PRSS27: variants seen among roughly 807,000 people sequenced by gnomAD.
PRSS27 encodes the protein serine protease 27.
A neutral mutation model predicts 32.0 loss-of-function variants in PRSS27; 25 were observed. The ratio of observed to expected loss-of-function variants is 0.78; its 90% CI spans 0.57 to 1.09. The LOEUF (loss-of-function observed/expected upper bound fraction) is 1.09, where lower values mean the gene tolerates loss of function less well. Among genes scored for constraint, PRSS27 ranks in the 50% least tolerant of loss-of-function variants. The pLI, the probability that PRSS27 is intolerant of heterozygous loss-of-function variation, is 0.00. For missense variants in PRSS27, 401 were observed against 394.9 expected (o/e 1.02, Z -0.13); for synonymous variants, 178 against 172.2 (o/e 1.03, Z -0.26).
chr16:2,717,966 T>A lies in PRSS27; in HGVS notation c.47-1440A>T, dbSNP rs911247874. On this transcript the variant is annotated intron_variant, in intron 1 of 5. Coordinates refer to ENST00000302641, the MANE Select transcript of PRSS27 (RefSeq NM_031948.5). The surrounding 1 kb of genome is among the most constrained non-coding windows in gnomAD (Gnocchi z 4.1). The stretch of plus-strand genomic sequence containing the variant: ...CGGGAAATGGAGAGTCTGCCCTGGA[T>A]GCTCTGCTCATTAATTTGTGCTAAT... The A allele has an allele frequency of 6.6e-6, 1 of 152,236 alleles. No homozygotes were observed. The highest frequency in any genetic ancestry group is 1.5e-5 in the Non-Finnish European group (1 of 68,072). The allele number at this position is 152,236 out of a possible 1,614,324, so 9.4% of individuals were successfully genotyped here.
chr16:2,719,907 C>A (rs1009273500), intron 1 of PRSS27, among the ~76,000 whole-genome samples: 6 of 152,120 alleles, frequency 3.9e-5, no homozygotes, highest in Admixed American at 2.6e-4. Flanking sequence ...GGGGCCTGTG[C>A]GCACACCTCC....
rs760924787 is a variant in PRSS27, at chr16:2,714,090, A to G, written c.483T>C (p.Thr161=). ...IFETGMNCWV[T]GWGSPSEEDL... is the part of the protein sequence containing the mutation. ...CTTCCTCACTGGGGCTGCCCCAGCC[A>G]GTGACCCAGCAGTTCATGCCCGTCT... The change falls in exon 4 of 6, where the codon ACT becomes ACC. Residue 161 remains threonine (T), a synonymous_variant. Transcript: ENST00000302641. The surrounding 1 kb of genome is among the most constrained non-coding windows in gnomAD (Gnocchi z 4.7). The G allele has an allele frequency of 6.8e-6, 11 of 1,612,454 alleles. No homozygotes were observed. The highest frequency in any genetic ancestry group is 1.6e-4 in the Middle Eastern group (1 of 6,080).
intron 4 of PRSS27, 21 bp from the exon 5 acceptor site, chr16:2,713,719 C>G: frequency 1.9e-6 from 3 of 1,611,912 alleles, no homozygotes; most frequent in Non-Finnish European, 2.5e-6. Flanking sequence ...GCGGAACAGC[C>G]CAGGGCTCAA....
At position 2,717,573 on chromosome 16, in the gene PRSS27, A is replaced by G. The variant is rs2142067939; in HGVS notation, c.47-1047T>C. The G allele has an allele frequency of 6.6e-6, 1 of 152,558 alleles. No homozygotes were observed. Among genetic ancestry groups the G allele is most frequent in the Non-Finnish European group, 1.5e-5 (1 of 68,280 alleles). 9.5% of individuals were successfully genotyped at this position (152,558 alleles called of 1,614,324 possible). ...GGGGTTAGAACAGCCACCTCCCCAC[A>G]CCTAGGCCCTCAGCTTCCCCTTAAC... On this transcript the variant is annotated intron_variant, in intron 1 of 5. Coordinates refer to ENST00000302641, the MANE Select transcript of PRSS27 (RefSeq NM_031948.5). This position sits in a 1 kb window ranked among gnomAD's most constrained non-coding sequence, Gnocchi z 4.1.
intron 2 of PRSS27, 40 bp downstream of exon 2, chr16:2,716,460 C>A: frequency 1.3e-6 from 2 of 1,589,864 alleles, no homozygotes; most frequent in African/African-American, 1.3e-5. Context: ...TCAGTCCAGC[C>A]GGCTCCTGTC....
In PRSS27 at chr16:2,713,310, G is replaced by A. The variant is rs183088005; in HGVS notation, c.678+219C>T. 1.8e-3 allele frequency: 1,024 copies of A among 582,070 alleles called. 4 individuals carry two copies. The highest frequency in any genetic ancestry group is 2.2e-3 in the Non-Finnish European group (710 of 316,994). 36.1% of individuals were successfully genotyped at this position (582,070 alleles called of 1,614,324 possible). ...AGATGGGGTTTCACTGTGTTAGCCA[G>A]GATGGTCTCCATCTCCTGACCTTGT... On this transcript the variant is annotated intron_variant, in intron 5 of 5. Coordinates refer to ENST00000302641, the MANE Select transcript of PRSS27 (RefSeq NM_031948.5).
At position 2,714,439 on chromosome 16, in the gene PRSS27, C is replaced by G; in HGVS notation, c.237-103G>C. 1 of 1,298,636 alleles carries G rather than the reference C, an allele frequency of 7.7e-7. No homozygotes were observed. The highest frequency in any genetic ancestry group is 1.1e-6 in the Non-Finnish European group (1 of 928,578). 80.4% of individuals were successfully genotyped at this position (1,298,636 alleles called of 1,614,324 possible). A position where few individuals can be genotyped will look rare whatever the true frequency, so the allele number is the denominator to read the frequency against. ...GGCCACCACCGTGCCCCACACCTCT[C>G]TCTGCACAATGTCTTCGAGAGTCAT... On this transcript the variant is annotated intron_variant, in intron 3 of 5. Transcript: ENST00000302641. The surrounding 1 kb of genome is among the most constrained non-coding windows in gnomAD (Gnocchi z 4.7).
intron 4 of PRSS27, 59 bp from the exon 5 acceptor site, chr16:2,713,757 C>G (rs2067681531): frequency 6.4e-7 from 1 of 1,569,450 alleles, no homozygotes; most frequent in East Asian, 2.3e-5. Context: ...AACCCACGGC[C>G]CCGGGAACCA....
In PRSS27 at chr16:2,717,156, G is replaced by C. The variant is rs1484077923; in HGVS notation, c.47-630C>G. 5 of 152,896 alleles carry C rather than the reference G, an allele frequency of 3.3e-5. No homozygotes were observed. In the East Asian group the frequency reaches 9.6e-4, roughly 29 times the overall value. The allele number at this position is 152,896 out of a possible 1,614,324, so 9.5% of individuals were successfully genotyped here. ...GGATCAGCCTTCTCAAGATTCCAGA[G>C]TCCCAAGAGCTGACCCCTCTCCCAG... On this transcript the variant is annotated intron_variant, in intron 1 of 5. Coordinates refer to ENST00000302641, the MANE Select transcript of PRSS27 (RefSeq NM_031948.5). This position sits in a 1 kb window ranked among gnomAD's most constrained non-coding sequence, Gnocchi z 4.1.
At chr16:2,713,960 G>C (rs2067683223) in intron 4 of PRSS27, 105 bp downstream of exon 4, 1 of 1,254,454 alleles carries the variant, frequency 8.0e-7, no homozygotes, top group Non-Finnish European at 1.1e-6. Flanking sequence ...CCGTGTGTAT[G>C]TATTAATATA....
rs1338780001 is a variant in PRSS27 at position 2,714,536 on chromosome 16, C to T, written c.237-200G>A. 8 of 631,562 alleles carry T rather than the reference C, an allele frequency of 1.3e-5. No homozygotes were observed. Among genetic ancestry groups the T allele is most frequent in the Non-Finnish European group, 2.2e-5 (8 of 360,082 alleles). The allele number at this position is 631,562 out of a possible 1,614,324, so 39.1% of individuals were successfully genotyped here. A position where few individuals can be genotyped will look rare whatever the true frequency, so the allele number is the denominator to read the frequency against. The stretch of plus-strand genomic sequence containing the variant: ...CAGACCGCCCGACTCAGATTTCCAC[C>T]TCCACCCCTGGCCGCTGTGTGGCCT... On this transcript the variant is annotated intron_variant, in intron 3 of 5. Transcript: ENST00000302641. The surrounding 1 kb of genome is among the most constrained non-coding windows in gnomAD (Gnocchi z 4.7).
chr16:2,713,144 G>A (rs2067674476), intron 5 of PRSS27: 1 of 474,824 alleles, frequency 2.1e-6, no homozygotes. Context: ...TGTGGCCCAG[G>A]CTGGAGTGCA....
chr16:2,713,488 C>G lies in PRSS27; in HGVS notation c.678+41G>C, dbSNP rs759041332. 3 of 1,601,030 alleles carry G rather than the reference C, an allele frequency of 1.9e-6. 1 individual carries two copies. The South Asian group carries it at 3.3e-5, about 18-fold the overall frequency. ...TGATCCCACCCTGCCCTGGGCCTGGCGGTGGGGACTGAGTCCCCATGGACA... is the reference window on the plus strand; with the variant it reads ...TGATCCCACCCTGCCCTGGGCCTGGGGGTGGGGACTGAGTCCCCATGGACA... On this transcript the variant is annotated intron_variant, in intron 5 of 5. Coordinates refer to ENST00000302641, the MANE Select transcript of PRSS27 (RefSeq NM_031948.5).
At chr16:2,713,802 G>T in intron 4 of PRSS27, 104 bp from the exon 5 acceptor site, 1 of 1,330,394 alleles carries the variant, frequency 7.5e-7, no homozygotes, top group Non-Finnish European at 1.0e-6. Context: ...CTCATGTTTA[G>T]ACCATCTCTG....
chr16:2,713,682 C>G lies in PRSS27; in HGVS notation c.525G>C (p.Pro175=). ...GCACAGCGAGTTTCTGCAGGATCCG[C>G]GGTTCGGGCAGGAGGTCTGGAGAGG... is the stretch of plus-strand genomic sequence containing the variant. ...SPSEEDLLPE[P]RILQKLAVPI... The change falls in exon 5 of 6, where the codon CCG becomes CCC. Residue 175 remains proline, a synonymous_variant. Transcript: ENST00000302641. 2 of 1,614,196 alleles carry G rather than the reference C, an allele frequency of 1.2e-6. No homozygotes were observed. Among genetic ancestry groups the G allele is most frequent in the African/African-American group, 1.3e-5 (1 of 75,060 alleles).
At chr16:2,716,294 C>T (rs920640007) in intron 2 of PRSS27, 4 of 618,668 alleles carry the variant, frequency 6.5e-6, no homozygotes, top group African/African-American at 5.5e-5. Flanking sequence ...TGCACCGCGC[C>T]TCAAGGCTCT....
Position 2,715,765 on chromosome 16 carries a change from G to A in PRSS27, c.189C>T (p.Ser63=). The change falls in exon 3 of 6, where the codon AGC becomes AGT. Residue 63 remains serine (S), a synonymous_variant. Transcript: ENST00000302641. The part of the protein sequence containing the change: ...QRNGSHFCGG[S]LIAEQWVLTA... ...TCAGGACCCACTGCTCCGCGATGAG[G>A]CTGCCCCCGCAGAAGTGGCTTCCGT... 1 of 1,589,270 alleles carries A rather than the reference G, an allele frequency of 6.3e-7. No individual in the cohort carries two copies.
Position 2,715,877 on chromosome 16 carries a change from C to T in PRSS27, c.77G>A (p.Cys26Tyr). ...TCGGTTCAGCATCCTGGGGCGACCA[C>T]AGGCTGGGGGAGCATGGGGAGCGGG... Reference protein sequence around the residue: ...GSQRAKAATACGRPRMLNRMV... With the variant: ...GSQRAKAATAYGRPRMLNRMV... The change falls in exon 3 of 6, where the codon TGT becomes TAT. Residue 26 changes from cysteine to tyrosine, a missense_variant. Coordinates refer to ENST00000302641, the MANE Select transcript of PRSS27 (RefSeq NM_031948.5). The T allele has an allele frequency of 6.3e-7, 1 of 1,575,068 alleles. No individual in the cohort carries two copies. Among genetic ancestry groups the T allele is most frequent in the South Asian group, 1.1e-5 (1 of 88,170 alleles).
chr16:2,719,397 G>C (rs1241933895), intron 1 of PRSS27, among the ~76,000 whole-genome samples: 1 of 152,156 alleles, frequency 6.6e-6, no homozygotes, highest in Non-Finnish European at 1.5e-5. Context: ...GAGGTGACTT[G>C]AGGACAGGGA....
Sources: allele counts gnomAD v4.1 joint callset (sites outside exome capture counted in the v4.1 genomes callset), GRCh38; gene constraint gnomAD v4.1.1; non-coding constraint Gnocchi (gnomAD v3.1); transcripts MANE v1.5; gene names NCBI Gene and HGNC (gene_info 2026-07-23, HGNC 2026-07-21).